Variants in KYNU observed in about 807,000 individuals in gnomAD.
The protein encoded by KYNU is kynureninase.
In KYNU, 54 loss-of-function variants were observed where a neutral mutation model predicts 59.2. That is an observed-to-expected ratio of 0.91 (90% CI 0.73 to 1.14). KYNU has a LOEUF of 1.14. Among genes scored for constraint, KYNU ranks in the 50% most tolerant of loss-of-function variants. KYNU has a pLI of 0.00. For synonymous variants in KYNU, 177 were observed against 192.0 expected (o/e 0.92, Z 0.65); for missense variants, 567 against 554.4 (o/e 1.02, Z -0.23).
At chr2:142,883,958 C>T (rs538098691) in intron 1 of KYNU, among the ~76,000 whole-genome samples, 1 of 152,130 alleles carries the variant, frequency 6.6e-6, no homozygotes, top group African/African-American at 2.4e-5. Flanking sequence ...ATGAAATCAG[C>T]AAAACTATAT....
At chr2:142,904,923 C>T (rs576286800) in intron 2 of KYNU, among the ~76,000 whole-genome samples, 9 of 152,258 alleles carry the variant, frequency 5.9e-5, no homozygotes, top group Non-Finnish European at 8.8e-5. Flanking sequence ...CCTTTACCAG[C>T]GTGCCCAACA....
chr2:142,912,371 C>CTTTTTTTTTTTTTTTT, intron 2 of KYNU, among the ~76,000 whole-genome samples: 1 of 89,512 alleles, frequency 1.1e-5, no homozygotes, highest in Non-Finnish European at 2.1e-5. Context: ...TTTTGTATTT[C>CTTTTTTTTTTTTTTTT]TTTTTTTTTT....
At chr2:143,020,850 T>C (rs1686386070) in intron 10 of KYNU, among the ~76,000 whole-genome samples, 1 of 152,216 alleles carries the variant, frequency 6.6e-6, no homozygotes, top group Admixed American at 6.5e-5. Flanking sequence ...TTTATAACTT[T>C]GGTAGCTATT....
At chr2:142,922,169 T>G (rs2105001390) in intron 3 of KYNU, among the ~76,000 whole-genome samples, 1 of 152,276 alleles carries the variant, frequency 6.6e-6, no homozygotes, top group East Asian at 1.9e-4. Context: ...CAATGCACAT[T>G]GAAAGTAGTT....
At chr2:143,014,986 T>A (rs1476962165) in intron 10 of KYNU, among the ~76,000 whole-genome samples, 2 of 152,184 alleles carry the variant, frequency 1.3e-5, no homozygotes, top group Non-Finnish European at 2.9e-5. Flanking sequence ...CTTGAGTTCC[T>A]GGACTCAAGT....
intron 10 of KYNU, among the ~76,000 whole-genome samples, chr2:143,003,689 T>C (rs1685780237): frequency 6.6e-6 from 1 of 152,224 alleles, no homozygotes; most frequent in South Asian, 2.1e-4. Context: ...TGATTTTTTT[T>C]TTCTGTAAAC....
intron 10 of KYNU, among the ~76,000 whole-genome samples, chr2:142,988,006 A>G (rs1269293854): frequency 1.3e-5 from 2 of 151,870 alleles, no homozygotes; most frequent in African/African-American, 4.8e-5. Context: ...CTTCCCAGTC[A>G]TGCTTCCTGC....
intron 12 of KYNU, among the ~76,000 whole-genome samples, chr2:143,034,430 A>G (rs895964472): frequency 1.3e-5 from 2 of 152,200 alleles, no homozygotes; most frequent in African/African-American, 4.8e-5. Context: ...TTCTGTGAAC[A>G]CTTACAGCAG....
At chr2:143,031,409 C>T (rs1686738924) in intron 11 of KYNU, among the ~76,000 whole-genome samples, 1 of 152,068 alleles carries the variant, frequency 6.6e-6, no homozygotes, top group African/African-American at 2.4e-5. Flanking sequence ...AAGATTGTGG[C>T]TATGTTTTCA....
intron 2 of KYNU, among the ~76,000 whole-genome samples, chr2:142,903,808 G>C (rs938704205): frequency 6.6e-6 from 1 of 152,292 alleles, no homozygotes; most frequent in South Asian, 2.1e-4. Flanking sequence ...GGACGAGGGG[G>C]GTGGCTTATT....
At chr2:143,015,128 C>T (rs1459046134) in intron 10 of KYNU, among the ~76,000 whole-genome samples, 2 of 152,120 alleles carry the variant, frequency 1.3e-5, no homozygotes, top group South Asian at 2.1e-4. Context: ...TGCCTTCAAG[C>T]AATCCTCCTG....
chr2:142,937,416 A>T (rs1011780409), intron 4 of KYNU, among the ~76,000 whole-genome samples: 24 of 152,214 alleles, frequency 1.6e-4, no homozygotes, highest in Non-Finnish European at 4.4e-5. Flanking sequence ...GTCTGACATG[A>T]GGGCATTTCC....
At chr2:142,955,309 A>G (rs1684126532) in intron 5 of KYNU, among the ~76,000 whole-genome samples, 1 of 152,110 alleles carries the variant, frequency 6.6e-6, no homozygotes, top group Admixed American at 6.5e-5. Context: ...AAAGAGGTCT[A>G]GTACCTTAAA....
chr2:142,954,444 A>G (rs1684096342), intron 4 of KYNU, among the ~76,000 whole-genome samples: 3 of 152,092 alleles, frequency 2.0e-5, no homozygotes, highest in African/African-American at 7.2e-5. Context: ...TGGCCTTAAT[A>G]TCTTTTTAGA....
intron 10 of KYNU, among the ~76,000 whole-genome samples, chr2:143,013,826 C>G (rs965720792): frequency 3.4e-4 from 51 of 152,146 alleles, no homozygotes; most frequent in African/African-American, 1.2e-3. Flanking sequence ...GGCTTCGGAC[C>G]CACAGCCATC....
At chr2:143,001,845 G>C (rs1207765876) in intron 10 of KYNU, among the ~76,000 whole-genome samples, 1 of 152,158 alleles carries the variant, frequency 6.6e-6, no homozygotes, top group African/African-American at 2.4e-5. Context: ...TGAGAATACA[G>C]GAAATGACTA....
At chr2:142,924,540 T>C (rs1269075238) in intron 3 of KYNU, among the ~76,000 whole-genome samples, 1 of 152,244 alleles carries the variant, frequency 6.6e-6, no homozygotes, top group Non-Finnish European at 1.5e-5. Context: ...TTTTTCACTT[T>C]GTGGGATGGT....
intron 2 of KYNU, among the ~76,000 whole-genome samples, chr2:142,895,727 C>A (rs1681849086): frequency 6.6e-6 from 1 of 152,048 alleles, no homozygotes; most frequent in South Asian, 2.1e-4. Flanking sequence ...CCCTGTCACC[C>A]AGGCTGGAGT....
chr2:142,917,408 T>G (rs1340561144), intron 2 of KYNU, among the ~76,000 whole-genome samples: 1 of 152,054 alleles, frequency 6.6e-6, no homozygotes, highest in African/African-American at 2.4e-5. Flanking sequence ...AAACTTGGAC[T>G]CAAGCTATAA....
Sources: gnomAD v4.1 joint callset for allele counts (sites outside exome capture counted in the v4.1 genomes callset) on GRCh38, gnomAD v4.1.1 for gene constraint, MANE v1.5 for transcripts, NCBI Gene and HGNC (gene_info 2026-07-23, HGNC 2026-07-21) for gene names.